The following MAMLD1 variants were observed in gnomAD, a reference collection of about 807,000 sequenced individuals.
MAMLD1 encodes the protein mastermind like domain containing 1.
In MAMLD1, 14 loss-of-function variants were observed where a neutral mutation model predicts 45.0. That is an observed-to-expected ratio of 0.31 (90% CI 0.21 to 0.49). The LOEUF (loss-of-function observed/expected upper bound fraction) is 0.49, where lower values mean the gene tolerates loss of function less well. Ranked by LOEUF, MAMLD1 falls within the 20% of genes least tolerant of loss-of-function variation. The probability of loss-of-function intolerance (pLI) is 0.99; values close to 1 mark genes in which losing one functional copy is unlikely to be tolerated. For synonymous variants in MAMLD1, 254 were observed against 247.8 expected, an observed-to-expected ratio of 1.02 and a Z score of -0.24; for missense variants, 543 against 603.6, an observed-to-expected ratio of 0.90 and a Z score of 1.05.
rs1848914978 is a variant in MAMLD1 at position 150,363,416 on chromosome X, G to C, written c.-178G>C. 1 of 109,920 alleles carries C rather than the reference G, an allele frequency of 9.1e-6. No individual in the cohort carries two copies. The highest frequency in any genetic ancestry group is 1.9e-5 in the Non-Finnish European group (1 of 52,327). 9.1% of individuals were successfully genotyped at this position (109,920 alleles called of 1,213,427 possible). On this transcript the variant is annotated 5_prime_UTR_variant, in exon 1 of 8. Coordinates refer to ENST00000370401, the MANE Select transcript of MAMLD1 (RefSeq NM_005491.5). ...CGGGGGCACCGGCCGCTAGCCAGGG[G>C]GTGATCTGCAACAGGGCTGGGTTCC...
At chrX:150,399,715 G>A (rs1330119583) in intron 1 of MAMLD1, among the ~76,000 whole-genome samples, 3 of 111,639 alleles carry the variant, frequency 2.7e-5, no homozygotes, top group Admixed American at 9.4e-5. Flanking sequence ...GGGGCATGGA[G>A]GCCTCAGAGC....
chrX:150,492,965 C>G (rs1476724820), intron 5 of MAMLD1, among the ~76,000 whole-genome samples: 1 of 111,493 alleles, frequency 9.0e-6, no homozygotes, highest in Admixed American at 9.5e-5. Flanking sequence ...AAGGTGGAGC[C>G]TTCAGTGACA....
At chrX:150,473,545 C>T (rs2036491695) in intron 4 of MAMLD1, 135 bp from the exon 5 acceptor site, 3 of 584,299 alleles carry the variant, frequency 5.1e-6, no homozygotes, top group South Asian at 2.3e-5. Flanking sequence ...ATAGACCATG[C>T]GGCAAGCAGA....
Position 150,401,696 on chromosome X carries a change from C to T in MAMLD1, c.-64+38166C>T, listed in dbSNP as rs782293343. 2.8e-3 allele frequency among the ~76,000 whole-genome samples: 317 copies of T among 111,928 alleles called. 3 individuals are homozygous for T. The highest frequency in any genetic ancestry group is 9.9e-3 in the African/African-American group (304 of 30,797). ...TACTACAAGGCTACAGTAACCAAAA[C>T]AGCATGGTACTGGTACCAAAACGGA... On this transcript the variant is annotated intron_variant, in intron 1 of 7. Coordinates refer to ENST00000370401, the MANE Select transcript of MAMLD1 (RefSeq NM_005491.5).
At chrX:150,462,597 A>G (rs1342460999) in intron 2 of MAMLD1, among the ~76,000 whole-genome samples, 175 bp from the exon 3 acceptor site, 1 of 112,104 alleles carries the variant, frequency 8.9e-6, no homozygotes, top group African/African-American at 3.2e-5. Flanking sequence ...TCCACACCGG[A>G]TCCCACAGTC....
intron 1 of MAMLD1, among the ~76,000 whole-genome samples, chrX:150,431,701 T>C (rs782725454): frequency 7.4e-5 from 8 of 107,946 alleles, no homozygotes; most frequent in African/African-American, 2.7e-4. Context: ...TAGGATAATG[T>C]CCACCAGCTC....
chrX:150,361,933 G>A (rs1393663615), upstream of MAMLD1, among the ~76,000 whole-genome samples: 2 of 112,949 alleles, frequency 1.8e-5, no homozygotes, highest in Non-Finnish European at 3.8e-5. Context: ...CGGGAGCATC[G>A]CGTGCCCTGG....
chrX:150,411,414 T>C (rs2034122367), intron 1 of MAMLD1, among the ~76,000 whole-genome samples: 1 of 111,277 alleles, frequency 9.0e-6, no homozygotes, highest in African/African-American at 3.3e-5. Flanking sequence ...CCACCCCAAC[T>C]CTGGATTCCA....
At chrX:150,503,635 C>T (rs1557408681) in intron 6 of MAMLD1, 118 bp downstream of exon 6, 6 of 516,952 alleles carry the variant, frequency 1.2e-5, no homozygotes, top group African/African-American at 4.6e-5. Flanking sequence ...GTGACAGCTC[C>T]GAAGGTAAAG....
intron 1 of MAMLD1, among the ~76,000 whole-genome samples, chrX:150,390,350 C>G (rs782553436): frequency 1.9e-4 from 21 of 112,065 alleles, no homozygotes; most frequent in Non-Finnish European, 3.6e-4. Context: ...ATTTGTTTAC[C>G]CTTTGCTTCC....
chrX:150,482,020 G>GAA (rs1183620555), intron 5 of MAMLD1, among the ~76,000 whole-genome samples: 16 of 107,413 alleles, frequency 1.5e-4, no homozygotes, highest in Non-Finnish European at 2.3e-4. Context: ...AAGAAAGAAA[G>GAA]AAAGAAAGAA....
chrX:150,452,954 C>T (rs138376711), intron 2 of MAMLD1, among the ~76,000 whole-genome samples: 1,171 of 110,977 alleles, frequency 0.011, 12 homozygotes, highest in African/African-American at 0.036. Flanking sequence ...TGAGAACGGG[C>T]GCACAATGAG....
chrX:150,385,277 TACACACAC>T lies in MAMLD1; in HGVS notation c.-64+21777_-64+21784del, dbSNP rs3066918. On this transcript the variant is annotated intron_variant, in intron 1 of 7. Transcript: ENST00000370401. ...TTTCTTCTTTATGCCTGAACAATAC[TACACACAC>T]ACACACACACACACACACACACACA... Among the ~76,000 whole-genome samples, 295 of 94,040 alleles carry T rather than the reference TACACACAC, an allele frequency of 3.1e-3. 1 individual carries two copies. Among genetic ancestry groups the T allele is most frequent in the African/African-American group, 0.011 (278 of 25,470 alleles). 81.7% of individuals were successfully genotyped at this position (94,040 alleles called of 115,157 possible).
At chrX:150,400,033 A>C in intron 1 of MAMLD1, among the ~76,000 whole-genome samples, 1 of 111,675 alleles carries the variant, frequency 9.0e-6, no homozygotes, top group African/African-American at 3.3e-5. Flanking sequence ...AAAAGTTGTC[A>C]CATGCTGTTG....
In MAMLD1 at chrX:150,471,377, C is replaced by A. The variant is rs142908182; in HGVS notation, c.1804C>A (p.Gln602Lys). ...ATLQLQQQQQ[Q>K]QQQQPDHSSF... Reference sequence around the variant, plus strand: ...CTTGCAGCTGCAGCAGCAGCAGCAGCAACAGCAGCAGCAGCCTGACCATTC... The same window carrying A: ...CTTGCAGCTGCAGCAGCAGCAGCAGAAACAGCAGCAGCAGCCTGACCATTC... The change falls in exon 4 of 8, where the codon CAA becomes AAA. Residue 602 changes from glutamine (Q) to lysine (K), a missense_variant. Coordinates refer to ENST00000370401, the MANE Select transcript of MAMLD1 (RefSeq NM_005491.5). The A allele has an allele frequency of 1.2e-3, 1,507 of 1,210,410 alleles. No individual in the cohort carries two copies. Among genetic ancestry groups the A allele is most frequent in the Non-Finnish European group, 1.4e-3 (1,274 of 895,176 alleles).
In MAMLD1 at chrX:150,450,444, C is replaced by T. The variant is rs145260127; in HGVS notation, c.96+4832C>T. On this transcript the variant is annotated intron_variant, in intron 2 of 7. Coordinates refer to ENST00000370401, the MANE Select transcript of MAMLD1 (RefSeq NM_005491.5). Reference sequence around the variant, plus strand: ...AGAGGGGAGCTCATGTTTATGGGTCCCCTTCCAAGACCCAGGTGATCCTAG... The same window carrying T: ...AGAGGGGAGCTCATGTTTATGGGTCTCCTTCCAAGACCCAGGTGATCCTAG... 3.7e-4 allele frequency among the ~76,000 whole-genome samples: 41 copies of T among 111,776 alleles called. No homozygotes were observed. The East Asian group carries it at 9.6e-3, about 26-fold the overall frequency.
intron 1 of MAMLD1, among the ~76,000 whole-genome samples, chrX:150,400,401 A>G (rs1461910770): frequency 8.9e-6 from 1 of 112,003 alleles, no homozygotes; most frequent in Non-Finnish European, 1.9e-5. Context: ...TATCGTCTGC[A>G]AACAGGGACA....
At chrX:150,490,305 C>T (rs1043099656) in intron 5 of MAMLD1, among the ~76,000 whole-genome samples, 3 of 112,401 alleles carry the variant, frequency 2.7e-5, no homozygotes, top group Non-Finnish European at 5.6e-5. Flanking sequence ...GCTGGCTTGA[C>T]TGGCTGATAG....
chrX:150,391,009 C>T (rs2033154074), intron 1 of MAMLD1, among the ~76,000 whole-genome samples: 1 of 111,942 alleles, frequency 8.9e-6, no homozygotes, highest in Non-Finnish European at 1.9e-5. Context: ...CTCCATGGTT[C>T]CTGAAGAAAA....
Sources: allele counts gnomAD v4.1 joint callset (sites outside exome capture counted in the v4.1 genomes callset), GRCh38; gene constraint gnomAD v4.1.1; transcripts MANE v1.5; gene names NCBI Gene and HGNC (gene_info 2026-07-23, HGNC 2026-07-21).